Variants in PLEKHD1 observed in about 807,000 individuals in gnomAD.
The protein encoded by PLEKHD1 is pleckstrin homology and coiled-coil domain containing D1, also known as pleckstrin homology domain-containing family D member 1.
In PLEKHD1, 51 loss-of-function variants were observed where a neutral mutation model predicts 69.2. The ratio of observed to expected loss-of-function variants is 0.74; its 90% CI spans 0.59 to 0.93. The LOEUF (loss-of-function observed/expected upper bound fraction) is 0.93. Ranked by LOEUF, PLEKHD1 falls within the 40% of genes least tolerant of loss-of-function variation. The pLI is 0.00. For synonymous variants in PLEKHD1, 236 were observed against 244.7 expected, an observed-to-expected ratio of 0.96 and a Z score of 0.33; for missense variants, 584 against 641.0, an observed-to-expected ratio of 0.91 and a Z score of 0.96.
At chr14:69,527,953 G>A in intron 12 of PLEKHD1, 21 bp downstream of exon 12, 1 of 1,551,090 alleles carries the variant, frequency 6.4e-7, no homozygotes. Flanking sequence ...CTGTCTGCGT[G>A]CCCTGGTGGG....
At chr14:69,482,262 T>C (rs1882554768), upstream of PLEKHD1, among the ~76,000 whole-genome samples, 1 of 152,240 alleles carries the variant, frequency 6.6e-6, no homozygotes, top group Admixed American at 6.5e-5. Context: ...CACTGGGCCC[T>C]ACCGTGCAGG....
upstream of PLEKHD1, among the ~76,000 whole-genome samples, chr14:69,482,916 A>AAAAAAAGAAAGAAAG (rs1357569240): frequency 1.3e-5 from 2 of 148,240 alleles, no homozygotes; most frequent in African/African-American, 4.9e-5. Flanking sequence ...AGAAAGAAAG[A>AAAAAAAGAAAGAAAG]AAAAAAGAAA....
chr14:69,500,671 G>A lies in PLEKHD1; in HGVS notation c.333+5G>A. The A allele has an allele frequency of 6.4e-7, 1 of 1,550,962 alleles. No individual in the cohort carries two copies. On this transcript the variant is annotated splice_donor_5th_base_variant and intron_variant, in intron 3 of 12. Transcript: ENST00000322564. ...ATCTCCCACCAGGACTTCCATGTGAGTAAAGCTCTTCCCTCAGCCTGGGCT... is the reference window on the plus strand; with the variant it reads ...ATCTCCCACCAGGACTTCCATGTGAATAAAGCTCTTCCCTCAGCCTGGGCT...
rs890364109 is a variant in PLEKHD1 at position 69,526,760 on chromosome 14, G to C, written c.987G>C (p.Gln329His). 5.8e-6 allele frequency: 9 copies of C among 1,550,470 alleles called. No homozygotes were observed. Among genetic ancestry groups the C allele is most frequent in the Non-Finnish European group, 7.0e-6 (8 of 1,146,558 alleles). The change falls in exon 10 of 13, where the codon CAG becomes CAC. Residue 329 changes from glutamine (Q) to histidine (H), a missense_variant. Gln to His is a conservative substitution (Grantham distance 24). Transcript: ENST00000322564. ...AGGAGCGTGAGTTCTACTCCAGCCA[G>C]TCCCAGGCACTGCAGAACTCGCTGC... ...LEEEREFYSS[Q>H]SQALQNSLQE...
chr14:69,492,852 G>A lies in PLEKHD1; in HGVS notation c.150-7263G>A, dbSNP rs1489793312. ...TGGCATGATCACAGCTCACTGTAGC[G>A]TCGACCTCCTGGTCTCAAGCAATAC... On this transcript the variant is annotated intron_variant, in intron 1 of 12. Coordinates refer to ENST00000322564, the MANE Select transcript of PLEKHD1 (RefSeq NM_001161498.2). 3.9e-5 allele frequency among the ~76,000 whole-genome samples: 6 copies of A among 152,092 alleles called. No individual in the cohort carries two copies. In the East Asian group the frequency reaches 5.8e-4, roughly 15 times the overall value.
chr14:69,528,103 G>C, intron 12 of PLEKHD1, 147 bp from the exon 13 acceptor site: 1 of 1,405,190 alleles, frequency 7.1e-7, no homozygotes, highest in Non-Finnish European at 9.6e-7. Flanking sequence ...GTTTCTCAAA[G>C]GATATGGAAG....
At chr14:69,499,383 T>C (rs1208808695) in intron 1 of PLEKHD1, among the ~76,000 whole-genome samples, 1 of 152,210 alleles carries the variant, frequency 6.6e-6, no homozygotes, top group African/African-American at 2.4e-5. Context: ...CCTGAATCTC[T>C]GGGCTTTGAG....
chr14:69,506,648 C>T (rs1217191371), intron 6 of PLEKHD1, among the ~76,000 whole-genome samples: 1 of 152,194 alleles, frequency 6.6e-6, no homozygotes, highest in African/African-American at 2.4e-5. Context: ...CACTTGTTCC[C>T]CACAGGGTTC....
intron 1 of PLEKHD1, among the ~76,000 whole-genome samples, chr14:69,497,441 G>A (rs1566556759): frequency 6.6e-6 from 1 of 152,266 alleles, no homozygotes; most frequent in Non-Finnish European, 1.5e-5. Flanking sequence ...TGCATACATG[G>A]GATGTGGCAG....
intron 6 of PLEKHD1, among the ~76,000 whole-genome samples, chr14:69,515,854 A>G (rs1883373810): frequency 6.6e-6 from 1 of 152,236 alleles, no homozygotes; most frequent in African/African-American, 2.4e-5. Context: ...CTCCAAGATT[A>G]GGGATTACAT....
chr14:69,515,858 AT>A (rs1411730272), intron 6 of PLEKHD1, among the ~76,000 whole-genome samples: 1 of 152,216 alleles, frequency 6.6e-6, no homozygotes, highest in Non-Finnish European at 1.5e-5. Context: ...AAGATTAGGG[AT>A]TACATTTCAA....
chr14:69,500,510 GC>G, intron 2 of PLEKHD1, 66 bp from the exon 3 acceptor site: 4 of 1,365,870 alleles, frequency 2.9e-6, no homozygotes, highest in Non-Finnish European at 3.0e-6. Flanking sequence ...TTGTCCAGGG[GC>G]CCCCAGAACC....
At chr14:69,498,217 T>C (rs1882935173) in intron 1 of PLEKHD1, among the ~76,000 whole-genome samples, 1 of 151,816 alleles carries the variant, frequency 6.6e-6, no homozygotes, top group African/African-American at 2.4e-5. Context: ...TAACTGGGAT[T>C]ACAGGCCTGA....
At chr14:69,504,552 A>G (rs1047528869) in intron 6 of PLEKHD1, among the ~76,000 whole-genome samples, 6 of 152,200 alleles carry the variant, frequency 3.9e-5, no homozygotes, top group African/African-American at 1.4e-4. Context: ...TGTGGAATGA[A>G]TTAGTAAATG....
At chr14:69,477,914 C>T in the PLEKHD1 span, among the ~76,000 whole-genome samples, 1 of 152,164 alleles carries the variant, frequency 6.6e-6, no homozygotes, top group Non-Finnish European at 1.5e-5. Flanking sequence ...TGGGGTCTGA[C>T]CCTCTTCTCA....
At chr14:69,506,334 T>C (rs908127835) in intron 6 of PLEKHD1, among the ~76,000 whole-genome samples, 1 of 152,198 alleles carries the variant, frequency 6.6e-6, no homozygotes, top group Non-Finnish European at 1.5e-5. Flanking sequence ...GTTTGAATTG[T>C]GGCAGGGCTT....
At chr14:69,496,205 T>C (rs1323359941) in intron 1 of PLEKHD1, among the ~76,000 whole-genome samples, 1 of 152,240 alleles carries the variant, frequency 6.6e-6, no homozygotes, top group Non-Finnish European at 1.5e-5. Context: ...CCTTGCCATG[T>C]GTCTAATGAT....
At chr14:69,474,917 G>A in the PLEKHD1 span, among the ~76,000 whole-genome samples, 1 of 152,186 alleles carries the variant, frequency 6.6e-6, no homozygotes, top group Non-Finnish European at 1.5e-5. Context: ...GTGTGGTGGT[G>A]TAATCACAGC....
chr14:69,525,848 G>A lies in PLEKHD1; in HGVS notation c.745-96G>A, dbSNP rs1883632150. The A allele has an allele frequency of 4.3e-6, 5 of 1,175,898 alleles. No homozygotes were observed. The East Asian group carries it at 7.7e-5, about 18-fold the overall frequency. 72.8% of individuals were successfully genotyped at this position (1,175,898 alleles called of 1,614,324 possible). A position where few individuals can be genotyped will look rare whatever the true frequency, so the allele number is the denominator to read the frequency against. On this transcript the variant is annotated intron_variant, in intron 8 of 12. Coordinates refer to ENST00000322564, the MANE Select transcript of PLEKHD1 (RefSeq NM_001161498.2). ...CAGCGGCCATAGAGGACTGAGAGAGGAGTGGGTCACTCCCCCAAACGGAAA... is the reference window on the plus strand; with the variant it reads ...CAGCGGCCATAGAGGACTGAGAGAGAAGTGGGTCACTCCCCCAAACGGAAA...
Sources: gnomAD v4.1 joint callset for allele counts (sites outside exome capture counted in the v4.1 genomes callset) on GRCh38, gnomAD v4.1.1 for gene constraint, MANE v1.5 for transcripts, NCBI Gene and HGNC (gene_info 2026-07-23, HGNC 2026-07-21) for gene names.